SLC35F3: variants seen among roughly 807,000 people sequenced by gnomAD.
SLC35F3 encodes solute carrier family 35 member F3.
In SLC35F3, 25 loss-of-function variants were observed where a neutral mutation model predicts 49.9. The ratio of observed to expected loss-of-function variants is 0.50; its 90% CI spans 0.37 to 0.70. The LOEUF (loss-of-function observed/expected upper bound fraction) is 0.70. Ranked by LOEUF, SLC35F3 falls within the 30% of genes least tolerant of loss-of-function variation. The pLI is 0.00. For synonymous variants in SLC35F3, 275 were observed against 265.4 expected (o/e 1.04, Z -0.35); for missense variants, 525 against 639.8 (o/e 0.82, Z 1.94).
intron 2 of SLC35F3, among the ~76,000 whole-genome samples, chr1:234,229,255 C>G (rs1292788362): frequency 2.1e-5 from 3 of 145,878 alleles, no homozygotes; most frequent in Non-Finnish European, 4.4e-5. Context: ...CTGTTAACTG[C>G]ATTACATTTT....
chr1:234,157,293 C>G (rs923071669), intron 2 of SLC35F3, among the ~76,000 whole-genome samples: 1 of 152,060 alleles, frequency 6.6e-6, no homozygotes, highest in Non-Finnish European at 1.5e-5. Context: ...TTTATATTCT[C>G]ATCTCCTGCA....
chr1:234,208,472 CT>C (rs1667006870), intron 2 of SLC35F3, among the ~76,000 whole-genome samples: 1 of 152,160 alleles, frequency 6.6e-6, no homozygotes, highest in Non-Finnish European at 1.5e-5. Flanking sequence ...TAGCTACCCT[CT>C]TCCTGATGAT....
rs533116410 is a variant in SLC35F3, at chr1:234,287,116, G to T, written c.609-21985G>T. Among the ~76,000 whole-genome samples, 13 of 152,236 alleles carry T rather than the reference G, an allele frequency of 8.5e-5. No homozygotes were observed. The East Asian group carries it at 9.7e-4, about 11-fold the overall frequency. ...TGGGAGGCTGCGGTAGGAAGATCAC[G>T]TGAGCCTGGGAGTTCCAGGCTCCAG... On this transcript the variant is annotated intron_variant, in intron 3 of 7. Coordinates refer to ENST00000366618, the MANE Select transcript of SLC35F3 (RefSeq NM_173508.4).
chr1:234,290,600 G>A (rs1005375461), intron 3 of SLC35F3, among the ~76,000 whole-genome samples: 6 of 152,204 alleles, frequency 3.9e-5, no homozygotes, highest in African/African-American at 1.4e-4. Flanking sequence ...GGGAGTTGCT[G>A]AGAATCCTAC....
chr1:233,941,954 G>GTTT (rs141578626), intron 2 of SLC35F3, among the ~76,000 whole-genome samples: 2 of 120,180 alleles, frequency 1.7e-5, no homozygotes, highest in African/African-American at 3.4e-5. Flanking sequence ...GTTGTTTTTT[G>GTTT]TTTTTTTGTT....
chr1:234,161,115 A>T (rs778424017), intron 2 of SLC35F3, among the ~76,000 whole-genome samples: 1 of 152,156 alleles, frequency 6.6e-6, no homozygotes, highest in Non-Finnish European at 1.5e-5. Context: ...TCATACTGTC[A>T]TTCTGCACTC....
At chr1:234,041,552 T>G (rs955937888) in intron 2 of SLC35F3, among the ~76,000 whole-genome samples, 1 of 152,104 alleles carries the variant, frequency 6.6e-6, no homozygotes, top group African/African-American at 2.4e-5. Context: ...TCTGCCTGTA[T>G]GTATCTATAT....
In SLC35F3 at chr1:234,181,929, C is replaced by G. The variant is rs569105058; in HGVS notation, c.284-49488C>G. Among the ~76,000 whole-genome samples the G allele has an allele frequency of 4.0e-4, 61 of 152,212 alleles. No homozygotes were observed. In the South Asian group the frequency reaches 9.3e-3, roughly 23 times the overall value. ...AATTCATTAATTGATCAGAGATTGTCCAGTAGTTATATTCTATCATCTTCT... is the reference window on the plus strand; with the variant it reads ...AATTCATTAATTGATCAGAGATTGTGCAGTAGTTATATTCTATCATCTTCT... On this transcript the variant is annotated intron_variant, in intron 2 of 7. Transcript: ENST00000366618.
chr1:234,206,173 C>T (rs1216098323), intron 2 of SLC35F3, among the ~76,000 whole-genome samples: 1 of 152,142 alleles, frequency 6.6e-6, no homozygotes. Context: ...ACATGGAAAA[C>T]ACTGCAGAGT....
intron 2 of SLC35F3, among the ~76,000 whole-genome samples, chr1:233,979,631 G>A (rs996382417): frequency 6.6e-6 from 1 of 152,102 alleles, no homozygotes; most frequent in African/African-American, 2.4e-5. Flanking sequence ...AACTGCTTAG[G>A]CTCCATGCAC....
At chr1:234,267,431 C>G (rs1439333597) in intron 3 of SLC35F3, among the ~76,000 whole-genome samples, 2 of 145,124 alleles carry the variant, frequency 1.4e-5, no homozygotes, top group Non-Finnish European at 3.0e-5. Context: ...GGCAGAGGGG[C>G]TCCTCACTTC....
chr1:234,215,241 C>G (rs1385221354), intron 2 of SLC35F3, among the ~76,000 whole-genome samples: 1 of 152,166 alleles, frequency 6.6e-6, no homozygotes, highest in Non-Finnish European at 1.5e-5. Context: ...GTCCTCCTCC[C>G]CGTGTTGTCC....
chr1:234,016,922 C>T (rs1572020724), intron 2 of SLC35F3, among the ~76,000 whole-genome samples: 2 of 152,122 alleles, frequency 1.3e-5, no homozygotes, highest in South Asian at 2.1e-4. Flanking sequence ...AGAGGGCACA[C>T]GTGTGGGCTC....
chr1:234,108,326 ATTAT>A (rs1251579381), intron 2 of SLC35F3, among the ~76,000 whole-genome samples: 1 of 123,024 alleles, frequency 8.1e-6, no homozygotes, highest in African/African-American at 3.1e-5. Context: ...AAAGATATAT[ATTAT>A]TTATATATAT....
chr1:234,182,823 T>C (rs1666583437), intron 2 of SLC35F3, among the ~76,000 whole-genome samples: 1 of 152,214 alleles, frequency 6.6e-6, no homozygotes, highest in Admixed American at 6.5e-5. Context: ...ATGAATGAGA[T>C]TGAGCATATA....
chr1:234,311,513 G>T (rs551128057), intron 4 of SLC35F3, among the ~76,000 whole-genome samples: 1 of 152,360 alleles, frequency 6.6e-6, no homozygotes, highest in African/African-American at 2.4e-5. Context: ...CCTTATGTTT[G>T]TGGAATTGGC....
At chr1:234,252,672 TCTG>T in intron 3 of SLC35F3, among the ~76,000 whole-genome samples, 1 of 152,254 alleles carries the variant, frequency 6.6e-6, no homozygotes, top group African/African-American at 2.4e-5. Flanking sequence ...CATATTTTTA[TCTG>T]TCAAATTAAC....
intron 2 of SLC35F3, among the ~76,000 whole-genome samples, chr1:234,047,209 C>T (rs757519117): frequency 6.6e-6 from 1 of 152,166 alleles, no homozygotes; most frequent in Non-Finnish European, 1.5e-5. Flanking sequence ...TTCATTTCCT[C>T]TTTTATGTCC....
intron 3 of SLC35F3, among the ~76,000 whole-genome samples, chr1:234,249,496 A>C (rs1457046902): frequency 6.6e-6 from 1 of 152,006 alleles, no homozygotes; most frequent in African/African-American, 2.4e-5. Flanking sequence ...CATGTCGGTG[A>C]GGGTTTCTTG....
Sources: gnomAD v4.1 joint callset for allele counts (sites outside exome capture counted in the v4.1 genomes callset) on GRCh38, gnomAD v4.1.1 for gene constraint, MANE v1.5 for transcripts, NCBI Gene and HGNC (gene_info 2026-07-23, HGNC 2026-07-21) for gene names.